LRTM3: variants seen among roughly 807,000 people sequenced by gnomAD.
LRTM3 encodes leucine-rich repeat transmembrane protein 3.
the LRTM3 span, chr13:102,748,783 T>C: frequency 6.4e-7 from 1 of 1,550,568 alleles, no homozygotes. Flanking sequence ...AAGGTGCTTT[T>C]AGTTGAACAG....
At chr13:102,752,469 C>T in the LRTM3 span, among the ~76,000 whole-genome samples, 4 of 152,112 alleles carry the variant, frequency 2.6e-5, no homozygotes, top group Non-Finnish European at 5.9e-5. Context: ...CTTTTATGAG[C>T]GCCATCATTC....
the LRTM3 span, chr13:102,749,726 T>C: frequency 1.3e-6 from 2 of 1,551,314 alleles, no homozygotes; most frequent in Non-Finnish European, 1.7e-6. Flanking sequence ...TTCTTGGTTA[T>C]GATTTATATA....
chr13:102,743,029 G>T, the LRTM3 span: 1 of 1,547,656 alleles, frequency 6.5e-7, no homozygotes, highest in Non-Finnish European at 8.7e-7. Context: ...GACTTTTTGA[G>T]AAAAAAGTTT....
At chr13:102,733,572 C>G in the LRTM3 span, 1 of 1,551,054 alleles carries the variant, frequency 6.4e-7, no homozygotes, top group African/African-American at 1.4e-5. Context: ...TCCAGACCTC[C>G]CATTTTAGTT....
At chr13:102,731,467 G>T in the LRTM3 span, 1 of 1,551,142 alleles carries the variant, frequency 6.4e-7, no homozygotes, top group East Asian at 2.4e-5. Flanking sequence ...TTTTTTCTTT[G>T]GGAGTAAACT....
the LRTM3 span, chr13:102,742,714 GGGACTT>G: frequency 6.4e-7 from 1 of 1,550,646 alleles, no homozygotes; most frequent in Non-Finnish European, 8.7e-7. Flanking sequence ...GTCTACCTTG[GGGACTT>G]GACCTGTCAG....
chr13:102,746,001 G>A, the LRTM3 span: 1 of 1,551,060 alleles, frequency 6.4e-7, no homozygotes, highest in South Asian at 1.2e-5. Context: ...CTGTTCTCCA[G>A]AGCCTGTAAA....
At chr13:102,746,745 CA>C in the LRTM3 span, 14 of 1,551,024 alleles carry the variant, frequency 9.0e-6, no homozygotes, top group Non-Finnish European at 1.2e-5. Context: ...TTTTCTTCTG[CA>C]AAACAGTAAC....
At chr13:102,736,354 T>C in the LRTM3 span, 2 of 1,551,126 alleles carry the variant, frequency 1.3e-6, no homozygotes, top group Admixed American at 2.0e-5. Flanking sequence ...GAGGTGCTGA[T>C]GTCTTTGCCT....
chr13:102,747,058 G>C, the LRTM3 span: 1 of 1,551,028 alleles, frequency 6.4e-7, no homozygotes, highest in Non-Finnish European at 8.7e-7. Context: ...TATCATGCAG[G>C]ACTGCTTTTG....
the LRTM3 span, chr13:102,745,624 T>G: frequency 6.4e-7 from 1 of 1,551,028 alleles, no homozygotes; most frequent in South Asian, 1.2e-5. Flanking sequence ...GTTTTAAGTT[T>G]CTCGTCGTTT....
At chr13:102,731,592 C>G in the LRTM3 span, 1 of 1,551,382 alleles carries the variant, frequency 6.4e-7, no homozygotes, top group Non-Finnish European at 8.7e-7. Context: ...TGTATGTTAT[C>G]TAGTTTATCA....
the LRTM3 span, chr13:102,745,919 G>A: frequency 1.3e-6 from 2 of 1,550,968 alleles, no homozygotes; most frequent in African/African-American, 2.7e-5. Context: ...TGTACTTCCT[G>A]GTTGGTTCAG....
At chr13:102,737,156 A>G in the LRTM3 span, 2 of 1,551,052 alleles carry the variant, frequency 1.3e-6, no homozygotes, top group Non-Finnish European at 1.7e-6. Flanking sequence ...AGGTTGCATT[A>G]TATAATCCAC....
At chr13:102,758,132 G>T in the LRTM3 span, among the ~76,000 whole-genome samples, 1 of 152,196 alleles carries the variant, frequency 6.6e-6, no homozygotes, top group African/African-American at 2.4e-5. Context: ...GTTGGAGAGA[G>T]AGTTAGAGTA....
chr13:102,747,279 C>T, the LRTM3 span: 2 of 1,548,884 alleles, frequency 1.3e-6, no homozygotes, highest in Middle Eastern at 1.7e-4. Context: ...GGGTAAATAA[C>T]ATTCAGAAGC....
At chr13:102,733,950 G>T in the LRTM3 span, 3 of 1,551,270 alleles carry the variant, frequency 1.9e-6, no homozygotes, top group Non-Finnish European at 2.6e-6. Flanking sequence ...GTTCGCTGTG[G>T]ACAAGATGAT....
chr13:102,737,567 C>T, the LRTM3 span: 1 of 1,550,594 alleles, frequency 6.4e-7, no homozygotes, highest in Non-Finnish European at 8.7e-7. Flanking sequence ...ATCCCTTTTC[C>T]CTGGCTCTTT....
the LRTM3 span, chr13:102,744,330 C>A: frequency 6.5e-7 from 1 of 1,550,226 alleles, no homozygotes; most frequent in African/African-American, 1.4e-5. Flanking sequence ...GGTTTTAAGA[C>A]TGTTTGTAAG....
Sources: allele counts gnomAD v4.1 joint callset (sites outside exome capture counted in the v4.1 genomes callset), GRCh38; gene constraint gnomAD v4.1.1; transcripts MANE v1.5; gene names NCBI Gene and HGNC (gene_info 2026-07-23, HGNC 2026-07-21).